ABCB1: variants seen among roughly 807,000 people sequenced by gnomAD.
The protein encoded by ABCB1 is ATP-dependent translocase ABCB1.
ABCB1 carries 69 observed loss-of-function variants against 142.0 expected under a neutral mutation model. That is an observed-to-expected ratio of 0.49 (90% CI 0.40 to 0.59). The LOEUF is 0.59. Ranked by LOEUF, ABCB1 falls within the 20% of genes least tolerant of loss-of-function variation. ABCB1 has a pLI of 0.00. For synonymous variants in ABCB1, 532 were observed against 539.2 expected (o/e 0.99, Z 0.18); for missense variants, 1,326 against 1,554.7 (o/e 0.85, Z 2.47).
In ABCB1 at chr7:87,545,851, G is replaced by A. The variant is rs776747870; in HGVS notation, c.1887+12C>T. The A allele has an allele frequency of 1.9e-6, 3 of 1,612,896 alleles. No individual in the cohort carries two copies. The highest frequency in any genetic ancestry group is 2.5e-6 in the Non-Finnish European group (3 of 1,179,328). On this transcript the variant is annotated intron_variant, in intron 15 of 27. Transcript: ENST00000622132. The stretch of plus-strand genomic sequence containing the variant: ...TGAGATGACTTAGGAAAATTCTGAA[G>A]TTAAACTATACCTGCATTGTGACAA...
At chr7:87,523,732 G>C (rs536848914) in intron 21 of ABCB1, among the ~76,000 whole-genome samples, 11 of 152,232 alleles carry the variant, frequency 7.2e-5, no homozygotes, top group Admixed American at 7.2e-4. Context: ...TGAGTAAAGG[G>C]ATATGGAAAA....
intron 1 of ABCB1, among the ~76,000 whole-genome samples, chr7:87,703,857 C>A (rs932879108): frequency 1.3e-4 from 9 of 70,606 alleles, no homozygotes; most frequent in Non-Finnish European, 2.3e-4. Flanking sequence ...TTCCCCTTTG[C>A]ATCTTAGGTG....
chr7:87,599,409 C>T (rs1326950264), intron 2 of ABCB1, among the ~76,000 whole-genome samples: 1 of 152,128 alleles, frequency 6.6e-6, no homozygotes, highest in African/African-American at 2.4e-5. Flanking sequence ...AGGCCACAAA[C>T]GCGATGTTTA....
At position 87,566,890 on chromosome 7, in the gene ABCB1, C is replaced by T. The variant is rs557338866; in HGVS notation, c.425G>A (p.Arg142Lys). The T allele has an allele frequency of 1.9e-6, 3 of 1,614,142 alleles. No individual in the cohort carries two copies. The highest frequency in any genetic ancestry group is 2.2e-5 in the South Asian group (2 of 91,084). Reference protein sequence around the residue: ...QVSFWCLAAGRQIHKIRKQFF... With the variant: ...QVSFWCLAAGKQIHKIRKQFF... Reference sequence around the variant, plus strand: ...CTGTTTTCTAATTTTGTGTATTTGTCTTCCAGCTGCCAGGCACCAAAATGA... The same window carrying T: ...CTGTTTTCTAATTTTGTGTATTTGTTTTCCAGCTGCCAGGCACCAAAATGA... The change falls in exon 6 of 28, where the codon AGA becomes AAA. Residue 142 changes from arginine (R) to lysine (K), a missense_variant. By Grantham distance (26) the Arg-to-Lys change is conservative (BLOSUM62 2). Transcript: ENST00000622132.
intron 1 of ABCB1, among the ~76,000 whole-genome samples, chr7:87,692,266 C>T (rs1828084483): frequency 6.6e-6 from 1 of 152,066 alleles, no homozygotes; most frequent in South Asian, 2.1e-4. Flanking sequence ...GCCTGAGCAA[C>T]ATAGCAAGAT....
At chr7:87,616,899 G>A (rs552107254) in intron 1 of ABCB1, among the ~76,000 whole-genome samples, 37 of 152,260 alleles carry the variant, frequency 2.4e-4, no homozygotes, top group African/African-American at 8.4e-4. Flanking sequence ...CTTATGATAA[G>A]GGCAGCTAGA....
chr7:87,560,058 C>T (rs1299008232), intron 8 of ABCB1, among the ~76,000 whole-genome samples: 2 of 152,174 alleles, frequency 1.3e-5, no homozygotes, highest in African/African-American at 4.8e-5. Flanking sequence ...ATAATATTTA[C>T]CCCAACTGGT....
chr7:87,511,772 TG>T (rs1175081163), intron 25 of ABCB1, among the ~76,000 whole-genome samples: 1 of 152,212 alleles, frequency 6.6e-6, no homozygotes, highest in African/African-American at 2.4e-5. Flanking sequence ...TGTCCCCCCT[TG>T]AAAGGGGAAT....
At chr7:87,588,728 G>A (rs142865435) in intron 3 of ABCB1, among the ~76,000 whole-genome samples, 280 of 152,278 alleles carry the variant, frequency 1.8e-3, no homozygotes, top group Non-Finnish European at 3.3e-3. Context: ...TCTGTCTTTA[G>A]GTCTTTGAGG....
chr7:87,620,278 C>T (rs976303450), intron 1 of ABCB1, among the ~76,000 whole-genome samples: 4 of 151,934 alleles, frequency 2.6e-5, no homozygotes, highest in Admixed American at 1.3e-4. Flanking sequence ...CTTCTGCTCA[C>T]CCTCCTGAGT....
intron 1 of ABCB1, among the ~76,000 whole-genome samples, chr7:87,620,193 C>G (rs1820175729): frequency 6.6e-6 from 1 of 151,670 alleles, no homozygotes; most frequent in Admixed American, 6.6e-5. Context: ...CAGAGTCTCG[C>G]TCTGTTGCCC....
intron 26 of ABCB1, 24 bp downstream of exon 26, chr7:87,509,251 C>A (rs2117066720): frequency 6.2e-7 from 1 of 1,612,450 alleles, no homozygotes; most frequent in South Asian, 1.1e-5. Context: ...TGCTCCCAGG[C>A]TGTTTATTTG....
intron 4 of ABCB1, among the ~76,000 whole-genome samples, chr7:87,577,222 T>C (rs1016329149): frequency 6.6e-6 from 1 of 152,196 alleles, no homozygotes; most frequent in Admixed American, 6.5e-5. Context: ...TCCAGTTCCA[T>C]TTTTGTTGTT....
intron 3 of ABCB1, among the ~76,000 whole-genome samples, chr7:87,595,213 C>T (rs962821228): frequency 2.0e-5 from 3 of 152,046 alleles, no homozygotes; most frequent in Non-Finnish European, 2.9e-5. Flanking sequence ...ATAAGGTTTT[C>T]GAATTCTAGA....
At chr7:87,560,906 T>C (rs1197868143) in intron 8 of ABCB1, among the ~76,000 whole-genome samples, 2 of 152,130 alleles carry the variant, frequency 1.3e-5, no homozygotes, top group Non-Finnish European at 2.9e-5. Flanking sequence ...GAAAGGAAAA[T>C]GAACCACGGA....
chr7:87,655,251 C>T (rs1039398608), intron 1 of ABCB1, among the ~76,000 whole-genome samples: 2 of 152,088 alleles, frequency 1.3e-5, no homozygotes, highest in East Asian at 1.9e-4. Context: ...ATCAGTGTCT[C>T]GAAGAGTTAT....
At chr7:87,563,967 AACACATGGAT>A (rs1817681616) in intron 7 of ABCB1, among the ~76,000 whole-genome samples, 1 of 150,954 alleles carries the variant, frequency 6.6e-6, no homozygotes, top group Non-Finnish European at 1.5e-5. Context: ...AAATGATGAG[AACACATGGAT>A]ACATAGAGGG....
intron 9 of ABCB1, among the ~76,000 whole-genome samples, chr7:87,551,659 TA>T (rs28381892): frequency 0.3 from 44,916 of 149,766 alleles, 6,811 homozygotes; most frequent in Admixed American, 0.37. Context: ...TCTGGCTAAT[TA>T]AAAAAAAAAA....
chr7:87,685,348 A>T (rs1243762022), intron 1 of ABCB1, among the ~76,000 whole-genome samples: 3 of 152,238 alleles, frequency 2.0e-5, no homozygotes, highest in Non-Finnish European at 4.4e-5. Flanking sequence ...GTTCAACATC[A>T]TTAGTAATTA....
Sources: allele counts gnomAD v4.1 joint callset (sites outside exome capture counted in the v4.1 genomes callset), GRCh38; gene constraint gnomAD v4.1.1; transcripts MANE v1.5; gene names NCBI Gene and HGNC (gene_info 2026-07-23, HGNC 2026-07-21).